Variants in CNTLN observed in about 807,000 individuals in gnomAD.
CNTLN encodes centlein, also known as centlein, centrosomal protein.
Under a neutral mutation model 180.0 loss-of-function variants are expected in CNTLN, and 212 were observed. The observed-to-expected ratio is 1.18, with a 90% CI of 1.05 to 1.32. The LOEUF (loss-of-function observed/expected upper bound fraction) is 1.32. Ranked by LOEUF, CNTLN falls within the 40% of genes most tolerant of loss-of-function variation. CNTLN has a pLI of 0.00. For missense variants in CNTLN, 2,095 were observed against 1,610.9 expected, an observed-to-expected ratio of 1.30 and a Z score of -5.14; for synonymous variants, 722 against 563.1, an observed-to-expected ratio of 1.28 and a Z score of -3.99.
chr9:17,333,935 C>G (rs1820811244), intron 10 of CNTLN, among the ~76,000 whole-genome samples: 1 of 152,152 alleles, frequency 6.6e-6, no homozygotes, highest in African/African-American at 2.4e-5. Flanking sequence ...TCCTTCAAGA[C>G]CCTTTCTCTA....
intron 25 of CNTLN, among the ~76,000 whole-genome samples, chr9:17,502,140 G>A (rs1833783040): frequency 6.6e-6 from 1 of 152,114 alleles, no homozygotes; most frequent in Non-Finnish European, 1.5e-5. Flanking sequence ...GCAGACATGT[G>A]GATTGATGGT....
intron 12 of CNTLN, among the ~76,000 whole-genome samples, chr9:17,344,637 T>C (rs951895800): frequency 6.6e-6 from 1 of 152,112 alleles, no homozygotes; most frequent in African/African-American, 2.4e-5. Flanking sequence ...ATGTTAAAAA[T>C]AAATGTCAAA....
At chr9:17,293,292 C>A (rs772932671) in intron 6 of CNTLN, among the ~76,000 whole-genome samples, 4 of 152,222 alleles carry the variant, frequency 2.6e-5, no homozygotes, top group Non-Finnish European at 5.9e-5. Context: ...TTCTGGCTGC[C>A]CCTTGGCGGA....
chr9:17,492,503 A>G (rs919472940), intron 25 of CNTLN, among the ~76,000 whole-genome samples: 4 of 152,104 alleles, frequency 2.6e-5, no homozygotes, highest in African/African-American at 7.2e-5. Flanking sequence ...TCGAGTGCTG[A>G]TAGTATGTAA....
chr9:17,473,125 A>G (rs1832121324), intron 23 of CNTLN, among the ~76,000 whole-genome samples: 1 of 152,214 alleles, frequency 6.6e-6, no homozygotes, highest in Admixed American at 6.5e-5. Flanking sequence ...AAATAAAAAC[A>G]TAACCATGCT....
chr9:17,333,490 C>G (rs753835669), intron 10 of CNTLN, among the ~76,000 whole-genome samples: 4 of 152,010 alleles, frequency 2.6e-5, no homozygotes, highest in Non-Finnish European at 4.4e-5. Context: ...TAGTGCTTTA[C>G]ACATGATTAG....
intron 18 of CNTLN, chr9:17,447,517 A>C (rs1224444856): frequency 6.4e-6 from 1 of 155,908 alleles, no homozygotes; most frequent in African/African-American, 2.4e-5. Context: ...ATCCTTGGAC[A>C]CTTGTTGGTC....
intron 25 of CNTLN, among the ~76,000 whole-genome samples, chr9:17,496,612 A>G (rs1833471082): frequency 6.6e-6 from 1 of 152,214 alleles, no homozygotes; most frequent in Admixed American, 6.5e-5. Context: ...TACCTGCTAA[A>G]TACTTTTTAT....
At chr9:17,470,646 T>A (rs75968342) in intron 23 of CNTLN, among the ~76,000 whole-genome samples, 1 of 151,860 alleles carries the variant, frequency 6.6e-6, no homozygotes, top group Non-Finnish European at 1.5e-5. Flanking sequence ...TCCTAATAAC[T>A]GAATAAAACA....
At chr9:17,407,397 C>G (rs1171130813) in intron 15 of CNTLN, among the ~76,000 whole-genome samples, 1 of 152,120 alleles carries the variant, frequency 6.6e-6, no homozygotes, top group East Asian at 1.9e-4. Context: ...TAGAATTACA[C>G]TAAATACAGA....
chr9:17,384,875 T>C (rs1046436745), intron 13 of CNTLN, among the ~76,000 whole-genome samples: 29 of 152,168 alleles, frequency 1.9e-4, no homozygotes, highest in African/African-American at 4.6e-4. Context: ...TAAACTCCAA[T>C]TGGGCAATTC....
At chr9:17,514,409 C>T in the CNTLN span, among the ~76,000 whole-genome samples, 1 of 152,082 alleles carries the variant, frequency 6.6e-6, no homozygotes, top group East Asian at 1.9e-4. Flanking sequence ...GCAGCAGGAC[C>T]AGATGACTTT....
In CNTLN at chr9:17,427,151, C is replaced by G. The variant is rs1474633033; in HGVS notation, c.3114+10962C>G. 2.0e-5 allele frequency among the ~76,000 whole-genome samples: 3 copies of G among 152,130 alleles called. No individual in the cohort carries two copies. In the East Asian group the frequency reaches 5.8e-4, roughly 29 times the overall value. ...GTCAAAGTTTCAGCTCCTGCTCCCA[C>G]AATTCCTGAAGTTGCTGGCCCTGGT... On this transcript the variant is annotated intron_variant, in intron 18 of 25. Coordinates refer to ENST00000380647, the MANE Select transcript of CNTLN (RefSeq NM_017738.4).
chr9:17,210,768 C>T (rs1337238582), intron 2 of CNTLN, among the ~76,000 whole-genome samples: 1 of 152,130 alleles, frequency 6.6e-6, no homozygotes, highest in Non-Finnish European at 1.5e-5. Context: ...GAGATGGTAT[C>T]TCATTGTGGT....
chr9:17,178,379 G>C (rs1472891618), intron 2 of CNTLN, among the ~76,000 whole-genome samples: 2 of 152,224 alleles, frequency 1.3e-5, no homozygotes, highest in Non-Finnish European at 2.9e-5. Flanking sequence ...GGCCGCAGGT[G>C]GAGCTGCCTG....
chr9:17,213,249 T>C (rs1718735246), intron 2 of CNTLN, among the ~76,000 whole-genome samples: 1 of 152,194 alleles, frequency 6.6e-6, no homozygotes, highest in African/African-American at 2.4e-5. Flanking sequence ...GATTCTGGTA[T>C]GTTGTGTGTT....
At chr9:17,381,519 G>A (rs947501824) in intron 13 of CNTLN, among the ~76,000 whole-genome samples, 1 of 152,266 alleles carries the variant, frequency 6.6e-6, no homozygotes, top group Non-Finnish European at 1.5e-5. Context: ...CATAACATGG[G>A]TTACCATTTT....
intron 13 of CNTLN, among the ~76,000 whole-genome samples, chr9:17,386,543 G>T (rs1358102340): frequency 6.6e-6 from 1 of 152,138 alleles, no homozygotes; most frequent in Non-Finnish European, 1.5e-5. Flanking sequence ...TGAAGAGAAA[G>T]AGAATCAAGG....
intron 16 of CNTLN, among the ~76,000 whole-genome samples, chr9:17,411,990 T>C (rs1029317747): frequency 1.3e-5 from 2 of 152,124 alleles, no homozygotes; most frequent in Non-Finnish European, 1.5e-5. Flanking sequence ...AGATGGGGAA[T>C]TTAATTACTA....
Sources: allele counts gnomAD v4.1 joint callset (sites outside exome capture counted in the v4.1 genomes callset), GRCh38; gene constraint gnomAD v4.1.1; transcripts MANE v1.5; gene names NCBI Gene and HGNC (gene_info 2026-07-23, HGNC 2026-07-21).